Variants in SLC35F3 observed in about 807,000 individuals in gnomAD.
SLC35F3 encodes the protein solute carrier family 35 member F3, also known as putative thiamine transporter SLC35F3.
A neutral mutation model predicts 49.9 loss-of-function variants in SLC35F3; 25 were observed. The observed-to-expected ratio is 0.50, with a 90% CI of 0.37 to 0.70. SLC35F3 has a LOEUF of 0.70. Among genes scored for constraint, SLC35F3 ranks in the 30% least tolerant of loss-of-function variants. The probability of loss-of-function intolerance (pLI) is 0.00; values close to 1 mark genes in which losing one functional copy is unlikely to be tolerated. For missense variants in SLC35F3, 525 were observed against 639.8 expected (o/e 0.82, Z 1.94); for synonymous variants, 275 against 265.4 (o/e 1.04, Z -0.35).
At position 234,287,409 on chromosome 1, in the gene SLC35F3, C is replaced by T. The variant is rs191281658; in HGVS notation, c.609-21692C>T. Among the ~76,000 whole-genome samples, 293 of 152,238 alleles carry T rather than the reference C, an allele frequency of 1.9e-3. 1 individual carries two copies. The highest frequency in any genetic ancestry group is 3.4e-3 in the Non-Finnish European group (229 of 68,022). On this transcript the variant is annotated intron_variant, in intron 3 of 7. Coordinates refer to ENST00000366618, the MANE Select transcript of SLC35F3 (RefSeq NM_173508.4). ...AAAGAGTAAGGATTTGGTTCCACAA[C>T]GGCCCACCACCAAAATCTGTGACCT...
At position 234,231,378 on chromosome 1, in the gene SLC35F3, G is replaced by T. The variant is rs1667367949; in HGVS notation, c.284-39G>T. On this transcript the variant is annotated intron_variant, in intron 2 of 7. Coordinates refer to ENST00000366618, the MANE Select transcript of SLC35F3 (RefSeq NM_173508.4). This position sits in a 1 kb window ranked among gnomAD's most constrained non-coding sequence, Gnocchi z 5.4. Reference sequence around the variant, plus strand: ...CGCCCTGCGAAGTGCAGGGGTGAAGGTCTGCAGGCCCCGCTAACCACGCCC... The same window carrying T: ...CGCCCTGCGAAGTGCAGGGGTGAAGTTCTGCAGGCCCCGCTAACCACGCCC... 2 of 1,442,060 alleles carry T rather than the reference G, an allele frequency of 1.4e-6. No individual in the cohort carries two copies. The highest frequency in any genetic ancestry group is 1.4e-5 in the African/African-American group (1 of 70,182). 89.3% of individuals were successfully genotyped at this position (1,442,060 alleles called of 1,614,324 possible). A position where few individuals can be genotyped will look rare whatever the true frequency, so the allele number is the denominator to read the frequency against.
chr1:234,312,707 A>C (rs6658241), intron 4 of SLC35F3, among the ~76,000 whole-genome samples: 10 of 152,050 alleles, frequency 6.6e-5, no homozygotes, highest in African/African-American at 2.4e-4. Context: ...GGAGGGAAAG[A>C]GTTGGGGGAA....
At chr1:234,252,666 T>TTAACAAATTA (rs1196523908) in intron 3 of SLC35F3, among the ~76,000 whole-genome samples, 1 of 152,196 alleles carries the variant, frequency 6.6e-6, no homozygotes, top group African/African-American at 2.4e-5. Context: ...TTAAAACATA[T>TTAACAAATTA]TTTTATCTGT....
At chr1:234,094,488 T>C (rs987121704) in intron 2 of SLC35F3, among the ~76,000 whole-genome samples, 2 of 152,238 alleles carry the variant, frequency 1.3e-5, no homozygotes, top group Non-Finnish European at 2.9e-5. Flanking sequence ...TCTTGGGTGC[T>C]ACAGGCAATT....
Position 234,231,852 on chromosome 1 carries a change from G to C in SLC35F3, c.608+111G>C. ...CGCTGGGATGAGCCGGTGGGAGCCC[G>C]TGGAGAGATGTTGCAGTGAATGCAC... is the stretch of plus-strand genomic sequence containing the variant. On this transcript the variant is annotated intron_variant, in intron 3 of 7. Transcript: ENST00000366618. This position sits in a 1 kb window ranked among gnomAD's most constrained non-coding sequence, Gnocchi z 5.4. 9.7e-7 allele frequency: 1 copy of C among 1,030,908 alleles called. No individual in the cohort carries two copies. Among genetic ancestry groups the C allele is most frequent in the East Asian group, 2.4e-5 (1 of 41,338 alleles). The allele number at this position is 1,030,908 out of a possible 1,614,324, so 63.9% of individuals were successfully genotyped here. A position where few individuals can be genotyped will look rare whatever the true frequency, so the allele number is the denominator to read the frequency against.
At chr1:234,216,724 T>C (rs1667128251) in intron 2 of SLC35F3, among the ~76,000 whole-genome samples, 1 of 152,224 alleles carries the variant, frequency 6.6e-6, no homozygotes, top group African/African-American at 2.4e-5. Context: ...CCAGTTGGAT[T>C]TGTGTAAATC....
intron 3 of SLC35F3, among the ~76,000 whole-genome samples, chr1:234,293,994 A>T (rs1668551200): frequency 1.3e-5 from 2 of 152,202 alleles, no homozygotes; most frequent in African/African-American, 2.4e-5. Context: ...ATGTCTCTTC[A>T]GTTTGAAGGA....
chr1:234,019,743 C>T (rs1456243684), intron 2 of SLC35F3, among the ~76,000 whole-genome samples: 1 of 152,220 alleles, frequency 6.6e-6, no homozygotes, highest in Non-Finnish European at 1.5e-5. Flanking sequence ...TAGGCTCAAC[C>T]ATCCAACAGG....
chr1:234,139,951 T>TATAAAATAAAATAA (rs1665867565), intron 2 of SLC35F3, among the ~76,000 whole-genome samples: 1 of 90,564 alleles, frequency 1.1e-5, no homozygotes, highest in African/African-American at 4.0e-5. Flanking sequence ...CATCTCAAAA[T>TATAAAATAAAATAA]AATAAAATAA....
intron 2 of SLC35F3, among the ~76,000 whole-genome samples, chr1:233,946,600 C>T (rs932668951): frequency 5.9e-5 from 9 of 151,804 alleles, no homozygotes; most frequent in African/African-American, 1.7e-4. Flanking sequence ...CTTTTAAAGA[C>T]GATTTATGTA....
At chr1:233,928,260 A>C (rs1662190680) in intron 2 of SLC35F3, among the ~76,000 whole-genome samples, 1 of 152,222 alleles carries the variant, frequency 6.6e-6, no homozygotes. Context: ...CACTGAGGTC[A>C]CACTATGGGT....
intron 2 of SLC35F3, among the ~76,000 whole-genome samples, chr1:234,086,905 A>C (rs1323260320): frequency 6.6e-6 from 1 of 152,226 alleles, no homozygotes; most frequent in Non-Finnish European, 1.5e-5. Flanking sequence ...CCTTGACAAC[A>C]TGTGAATAAA....
intron 2 of SLC35F3, among the ~76,000 whole-genome samples, chr1:233,983,941 G>T (rs547571414): frequency 2.0e-5 from 3 of 152,298 alleles, no homozygotes; most frequent in South Asian, 2.1e-4. Flanking sequence ...TTCTAATCAA[G>T]ACTATGCCGG....
At chr1:234,012,711 G>T (rs1029718239) in intron 2 of SLC35F3, among the ~76,000 whole-genome samples, 2 of 152,188 alleles carry the variant, frequency 1.3e-5, no homozygotes, top group Non-Finnish European at 2.9e-5. Flanking sequence ...CAAATTAACA[G>T]CATCTCAGCA....
intron 2 of SLC35F3, among the ~76,000 whole-genome samples, chr1:234,137,846 G>T (rs1388617865): frequency 6.6e-6 from 1 of 152,164 alleles, no homozygotes; most frequent in African/African-American, 2.4e-5. Flanking sequence ...TATTTAGGTG[G>T]AAGGAAAGAG....
At chr1:234,126,332 A>G (rs1665646294) in intron 2 of SLC35F3, among the ~76,000 whole-genome samples, 1 of 152,184 alleles carries the variant, frequency 6.6e-6, no homozygotes, top group Admixed American at 6.5e-5. Context: ...TTGTAAATTC[A>G]TATGTTGTTG....
At chr1:234,299,299 A>C (rs1463452463) in intron 3 of SLC35F3, among the ~76,000 whole-genome samples, 1 of 152,164 alleles carries the variant, frequency 6.6e-6, no homozygotes, top group African/African-American at 2.4e-5. Flanking sequence ...GTTCAAACCC[A>C]CCAACTGGGA....
intron 5 of SLC35F3, among the ~76,000 whole-genome samples, chr1:234,317,006 T>G (rs1031712446): frequency 6.6e-6 from 1 of 152,200 alleles, no homozygotes; most frequent in African/African-American, 2.4e-5. Context: ...GTGGTGCCCA[T>G]CCGCACAGTC....
intron 2 of SLC35F3, among the ~76,000 whole-genome samples, chr1:234,152,224 A>ATTG (rs111536958): frequency 4.7e-5 from 6 of 126,560 alleles, no homozygotes; most frequent in African/African-American, 1.5e-4. Flanking sequence ...TATTATTATT[A>ATTG]TTGTTATTAT....
Sources: gnomAD v4.1 joint callset for allele counts (sites outside exome capture counted in the v4.1 genomes callset) on GRCh38, gnomAD v4.1.1 for gene constraint, Gnocchi (gnomAD v3.1) non-coding constraint, MANE v1.5 for transcripts, NCBI Gene and HGNC (gene_info 2026-07-23, HGNC 2026-07-21) for gene names.